Variants in NPAS2 observed in about 807,000 individuals in gnomAD.
The protein encoded by NPAS2 is neuronal PAS domain protein 2.
A neutral mutation model predicts 107.5 loss-of-function variants in NPAS2; 23 were observed. The observed-to-expected ratio is 0.21, with a 90% CI of 0.15 to 0.30. The LOEUF is 0.30. NPAS2 is among the 10% of genes least tolerant of loss of function. The probability of loss-of-function intolerance (pLI) is 1.00; values close to 1 mark genes in which losing one functional copy is unlikely to be tolerated. For synonymous variants in NPAS2, 403 were observed against 417.5 expected (o/e 0.97, Z 0.42); for missense variants, 756 against 1,043.3 (o/e 0.72, Z 3.79).
intron 19 of NPAS2, among the ~76,000 whole-genome samples, 160 bp from the exon 20 acceptor site, chr2:100,993,187 C>T (rs1678236960): frequency 6.6e-6 from 1 of 152,184 alleles, no homozygotes; most frequent in Admixed American, 6.5e-5. Flanking sequence ...CCTGCCTCGG[C>T]CTCCCAAAGT....
intron 17 of NPAS2, 143 bp downstream of exon 17, chr2:100,988,419 T>C: frequency 1.5e-6 from 1 of 678,392 alleles, no homozygotes; most frequent in South Asian, 2.0e-5. Flanking sequence ...GATTTGGGAG[T>C]GAGCCTTCTT....
At chr2:100,909,076 G>A (rs937829666) in intron 2 of NPAS2, among the ~76,000 whole-genome samples, 4 of 152,206 alleles carry the variant, frequency 2.6e-5, no homozygotes, top group Non-Finnish European at 5.9e-5. Flanking sequence ...TAGCCATTTG[G>A]TTATTTCTTC....
intron 1 of NPAS2, among the ~76,000 whole-genome samples, chr2:100,896,724 C>G (rs1681433207): frequency 6.6e-6 from 1 of 152,160 alleles, no homozygotes; most frequent in South Asian, 2.1e-4. Context: ...TACCTTGGAG[C>G]CACCACGATC....
At chr2:100,836,348 C>T (rs374135672) in intron 1 of NPAS2, among the ~76,000 whole-genome samples, 67 of 152,250 alleles carry the variant, frequency 4.4e-4, no homozygotes, top group African/African-American at 1.3e-3. Context: ...TACCCTGACC[C>T]GAGCCATTTC....
chr2:100,900,773 T>C (rs1681720501), intron 1 of NPAS2, among the ~76,000 whole-genome samples: 1 of 152,226 alleles, frequency 6.6e-6, no homozygotes, highest in South Asian at 2.1e-4. Flanking sequence ...CTTTTTCACA[T>C]TAATTTTAGC....
chr2:100,873,341 CATAT>C (rs1182571813), intron 1 of NPAS2, among the ~76,000 whole-genome samples: 1 of 123,034 alleles, frequency 8.1e-6, no homozygotes, highest in South Asian at 2.7e-4. Flanking sequence ...CACACACACA[CATAT>C]ATACATACAC....
chr2:100,826,958 A>T (rs1676426723), intron 1 of NPAS2, among the ~76,000 whole-genome samples: 1 of 152,218 alleles, frequency 6.6e-6, no homozygotes, highest in African/African-American at 2.4e-5. Flanking sequence ...GCATTTTTCC[A>T]TGACATAAAC....
chr2:100,818,936 C>T (rs1675882131), upstream of NPAS2, among the ~76,000 whole-genome samples: 1 of 152,160 alleles, frequency 6.6e-6, no homozygotes, highest in Non-Finnish European at 1.5e-5. Context: ...TTCCGGACCT[C>T]GGCGGGGCAC....
At chr2:100,882,606 C>A (rs1338297450) in intron 1 of NPAS2, among the ~76,000 whole-genome samples, 3 of 151,614 alleles carry the variant, frequency 2.0e-5, no homozygotes, top group Non-Finnish European at 2.9e-5. Context: ...GAGCGAGACT[C>A]CGTCTCAAAA....
chr2:100,825,904 G>A (rs1676343584), intron 1 of NPAS2, among the ~76,000 whole-genome samples: 1 of 152,190 alleles, frequency 6.6e-6, no homozygotes, highest in African/African-American at 2.4e-5. Context: ...GTGAAGAAGG[G>A]CAGGGGGCGG....
intron 1 of NPAS2, among the ~76,000 whole-genome samples, chr2:100,871,543 T>G (rs1349893260): frequency 1.3e-5 from 2 of 151,958 alleles, no homozygotes; most frequent in Admixed American, 1.3e-4. Context: ...GTTGGCCAGG[T>G]TGGTCTTGAA....
chr2:100,988,472 T>C, intron 17 of NPAS2, 196 bp downstream of exon 17: 1 of 582,418 alleles, frequency 1.7e-6, no homozygotes, highest in Non-Finnish European at 3.1e-6. Flanking sequence ...CAAGTTGTAT[T>C]GGCTTCCTTC....
At chr2:100,902,385 C>T (rs987075834) in intron 1 of NPAS2, among the ~76,000 whole-genome samples, 2 of 152,146 alleles carry the variant, frequency 1.3e-5, no homozygotes, top group African/African-American at 2.4e-5. Context: ...GGATATCACT[C>T]GGCCTTAAAA....
Position 100,907,339 on chromosome 2 carries a change from A to C in NPAS2, c.32+2553A>C, listed in dbSNP as rs569175134. 1.1e-4 allele frequency among the ~76,000 whole-genome samples: 17 copies of C among 151,948 alleles called. 2 individuals are homozygous for C. The highest frequency in any genetic ancestry group is 4.1e-4 in the African/African-American group (17 of 41,432). On this transcript the variant is annotated intron_variant, in intron 2 of 20. Coordinates refer to ENST00000335681, the MANE Select transcript of NPAS2 (RefSeq NM_002518.4). Reference sequence around the variant, plus strand: ...CATAAGCATACCTCCCCCACCCAAAAACTTCTCTACTTGGAAATCTTTGCA... The same window carrying C: ...CATAAGCATACCTCCCCCACCCAAACACTTCTCTACTTGGAAATCTTTGCA...
rs188682724 is a variant in NPAS2, at chr2:100,864,893, A to C, written c.-22-39840A>C. Reference sequence around the variant, plus strand: ...AAAATGTTTATTAATTCATTTAAAAATAATAAGTGCATTGCATTTTAACAC... The same window carrying C: ...AAAATGTTTATTAATTCATTTAAAACTAATAAGTGCATTGCATTTTAACAC... On this transcript the variant is annotated intron_variant, in intron 1 of 20. Transcript: ENST00000335681. Among the ~76,000 whole-genome samples the C allele has an allele frequency of 8.2e-4, 125 of 152,370 alleles. 3 individuals are homozygous for C. The highest frequency in any genetic ancestry group is 2.8e-3 in the African/African-American group (117 of 41,600).
chr2:100,924,311 C>T (rs946994551), intron 2 of NPAS2, among the ~76,000 whole-genome samples: 14 of 152,220 alleles, frequency 9.2e-5, no homozygotes, highest in African/African-American at 2.2e-4. Context: ...CAAGTCTAGA[C>T]AAATGTGTTG....
intron 1 of NPAS2, among the ~76,000 whole-genome samples, chr2:100,821,665 C>T (rs1676080827): frequency 6.6e-6 from 1 of 152,186 alleles, no homozygotes; most frequent in Admixed American, 6.5e-5. Context: ...TGGTCCCCAT[C>T]AGTGAATTGA....
intron 2 of NPAS2, among the ~76,000 whole-genome samples, chr2:100,915,752 C>T (rs918391155): frequency 2.0e-5 from 3 of 152,138 alleles, no homozygotes; most frequent in Non-Finnish European, 2.9e-5. Flanking sequence ...TGAACGAAAA[C>T]TTCCTGTCAA....
intron 7 of NPAS2, among the ~76,000 whole-genome samples, chr2:100,951,920 C>T (rs1285047696): frequency 6.6e-6 from 1 of 152,002 alleles, no homozygotes; most frequent in Non-Finnish European, 1.5e-5. Flanking sequence ...GAGGCCGAGG[C>T]GGGCGGATCA....
Sources: gnomAD v4.1 joint callset for allele counts (sites outside exome capture counted in the v4.1 genomes callset) on GRCh38, gnomAD v4.1.1 for gene constraint, MANE v1.5 for transcripts, NCBI Gene and HGNC (gene_info 2026-07-23, HGNC 2026-07-21) for gene names.